Variants in PRELID2 observed in about 807,000 individuals in gnomAD.
The protein encoded by PRELID2 is PRELI domain containing 2, also known as PRELI domain-containing protein 2.
A neutral mutation model predicts 28.4 loss-of-function variants in PRELID2; 25 were observed. The observed-to-expected ratio is 0.88, with a 90% CI of 0.64 to 1.23. The LOEUF is 1.23. Among genes scored for constraint, PRELID2 ranks in the 50% most tolerant of loss-of-function variants. The pLI, the probability that PRELID2 is intolerant of heterozygous loss-of-function variation, is 0.00. For missense variants in PRELID2, 201 were observed against 214.4 expected (o/e 0.94, Z 0.39); for synonymous variants, 76 against 71.6 (o/e 1.06, Z -0.31).
At chr5:145,464,928 A>G in the PRELID2 span, among the ~76,000 whole-genome samples, 1 of 152,144 alleles carries the variant, frequency 6.6e-6, no homozygotes, top group Non-Finnish European at 1.5e-5. Context: ...CTCTGGACCA[A>G]AGAGCCTAAA....
At chr5:145,556,824 C>T (rs995847338) in intron 1 of PRELID2, among the ~76,000 whole-genome samples, 1 of 152,180 alleles carries the variant, frequency 6.6e-6, no homozygotes, top group Non-Finnish European at 1.5e-5. Context: ...ACTATGAATG[C>T]ACTTCCTCAG....
chr5:145,456,319 A>G, the PRELID2 span, among the ~76,000 whole-genome samples: 3 of 152,178 alleles, frequency 2.0e-5, no homozygotes, highest in African/African-American at 7.2e-5. Context: ...GAAGATGACC[A>G]CTGGTCTGCA....
intron 1 of PRELID2, among the ~76,000 whole-genome samples, chr5:145,582,928 C>T (rs1416399915): frequency 6.6e-6 from 1 of 151,906 alleles, no homozygotes; most frequent in Non-Finnish European, 1.5e-5. Flanking sequence ...GGAGGGACTC[C>T]TCCCTATTTT....
intron 1 of PRELID2, among the ~76,000 whole-genome samples, chr5:145,715,828 T>A (rs1755827830): frequency 6.6e-6 from 1 of 152,218 alleles, no homozygotes; most frequent in Non-Finnish European, 1.5e-5. Context: ...AAGGCTTTCT[T>A]GACCATCGAT....
At chr5:145,445,326 A>G in the PRELID2 span, among the ~76,000 whole-genome samples, 3 of 152,094 alleles carry the variant, frequency 2.0e-5, no homozygotes, top group African/African-American at 7.2e-5. Flanking sequence ...GGCTATTCAT[A>G]TGCAGAAGAA....
chr5:145,594,381 T>A (rs1753273411), intron 1 of PRELID2, among the ~76,000 whole-genome samples: 1 of 152,168 alleles, frequency 6.6e-6, no homozygotes, highest in African/African-American at 2.4e-5. Context: ...CCATGACACA[T>A]TAATAATAAA....
At chr5:145,825,994 T>G in intron 1 of PRELID2, 2 of 983,084 alleles carry the variant, frequency 2.0e-6, no homozygotes, top group Non-Finnish European at 2.4e-6. Context: ...CCAGGAACAC[T>G]TACCTGGGAA....
the PRELID2 span, among the ~76,000 whole-genome samples, chr5:145,400,729 G>C: frequency 6.6e-6 from 1 of 152,126 alleles, no homozygotes; most frequent in African/African-American, 2.4e-5. Flanking sequence ...TCTGATGCTA[G>C]AGAAGAGGTA....
chr5:145,375,520 C>A, the PRELID2 span, among the ~76,000 whole-genome samples: 4 of 152,074 alleles, frequency 2.6e-5, no homozygotes, highest in Admixed American at 2.6e-4. Flanking sequence ...GTGTGCTTTG[C>A]TGGGGGTAAA....
At chr5:145,366,666 C>A in the PRELID2 span, among the ~76,000 whole-genome samples, 1 of 151,754 alleles carries the variant, frequency 6.6e-6, no homozygotes, top group East Asian at 1.9e-4. Flanking sequence ...TTGACTATTT[C>A]TGTTGAAATT....
At chr5:145,482,860 C>T (rs958935154) in intron 1 of PRELID2, among the ~76,000 whole-genome samples, 1 of 151,746 alleles carries the variant, frequency 6.6e-6, no homozygotes, top group Non-Finnish European at 1.5e-5. Flanking sequence ...CTCACAGGCA[C>T]AGTTCACAAT....
chr5:145,490,467 AT>A (rs1752259110), intron 1 of PRELID2, among the ~76,000 whole-genome samples: 1 of 152,212 alleles, frequency 6.6e-6, no homozygotes, highest in African/African-American at 2.4e-5. Context: ...AAGAAACACC[AT>A]TGTGGAAAAG....
At chr5:145,431,848 GA>G in the PRELID2 span, among the ~76,000 whole-genome samples, 1 of 152,150 alleles carries the variant, frequency 6.6e-6, no homozygotes, top group Non-Finnish European at 1.5e-5. Context: ...CTATCTTAGA[GA>G]AACAATAGCA....
intron 1 of PRELID2, chr5:145,729,215 G>A: frequency 2.5e-6 from 2 of 807,408 alleles, no homozygotes; most frequent in Non-Finnish European, 4.2e-6. Context: ...AAGCATGCCA[G>A]AATGCCCTGA....
At chr5:145,740,422 C>T (rs1310834093) in intron 1 of PRELID2, among the ~76,000 whole-genome samples, 1 of 138,618 alleles carries the variant, frequency 7.2e-6, no homozygotes, top group Non-Finnish European at 1.5e-5. Context: ...TAGGTGGTGA[C>T]TACAAAACGT....
Position 145,817,210 on chromosome 5 carries a change from A to ATATATATAT in PRELID2, c.368+683_368+684insATATATATA, listed in dbSNP as rs1561643788. 1.4e-3 allele frequency among the ~76,000 whole-genome samples: 92 copies of ATATATATAT among 67,836 alleles called. 1 individual carries two copies. The highest frequency in any genetic ancestry group is 0.014 in the Middle Eastern group (1 of 70). 44.5% of individuals were successfully genotyped at this position (67,836 alleles called of 152,430 possible). On this transcript the variant is annotated intron_variant, in intron 4 of 6. Coordinates refer to ENST00000683046, the MANE Select transcript of PRELID2 (RefSeq NM_205846.3). ...CATTTCAAAAAAAAATAAATAAATA[A>ATATATATAT]ATAAAAAAAAATATATATATATATA...
chr5:145,726,267 G>A (rs1756152869), intron 1 of PRELID2, among the ~76,000 whole-genome samples: 1 of 133,194 alleles, frequency 7.5e-6, no homozygotes, highest in South Asian at 2.6e-4. Context: ...GACGGAGGGG[G>A]AAAGAGAGAA....
At chr5:145,652,151 T>A (rs753848175) in intron 1 of PRELID2, among the ~76,000 whole-genome samples, 3 of 152,088 alleles carry the variant, frequency 2.0e-5, no homozygotes, top group Non-Finnish European at 4.4e-5. Flanking sequence ...AGAAAGGGTA[T>A]CAGGGATTGA....
At chr5:145,770,791 T>G (rs966110078) in intron 5 of PRELID2, among the ~76,000 whole-genome samples, 1 of 152,194 alleles carries the variant, frequency 6.6e-6, no homozygotes. Context: ...AGAATAAGGA[T>G]ATAAAGCAAA....
Sources: gnomAD v4.1 joint callset for allele counts (sites outside exome capture counted in the v4.1 genomes callset) on GRCh38, gnomAD v4.1.1 for gene constraint, MANE v1.5 for transcripts, NCBI Gene and HGNC (gene_info 2026-07-23, HGNC 2026-07-21) for gene names.